LOC400499: variants seen among roughly 807,000 people sequenced by gnomAD.
the LOC400499 span, chr16:11,385,036 C>A: frequency 1.6e-6 from 2 of 1,232,160 alleles, no homozygotes; most frequent in Non-Finnish European, 1.0e-6. Flanking sequence ...AACTGTCCCC[C>A]GGCAGGGAGG....
At chr16:11,504,555 C>G in the LOC400499 span, among the ~76,000 whole-genome samples, 1 of 140,602 alleles carries the variant, frequency 7.1e-6, no homozygotes. Context: ...GACTCCGTCC[C>G]CCCCCCCAAA....
chr16:11,391,972 C>A, the LOC400499 span: 1 of 473,780 alleles, frequency 2.1e-6, no homozygotes, highest in Non-Finnish European at 3.4e-6. Flanking sequence ...GGGACCTCTC[C>A]AACCTGAGCC....
chr16:11,515,899 C>T, the LOC400499 span: 2 of 235,344 alleles, frequency 8.5e-6, no homozygotes. Context: ...CAGCCTAGCC[C>T]AGCCCAGCCC....
the LOC400499 span, among the ~76,000 whole-genome samples, chr16:11,419,230 T>C: frequency 1.3e-5 from 2 of 151,644 alleles, no homozygotes; most frequent in Admixed American, 6.6e-5. Flanking sequence ...CAAAACAGCA[T>C]GGTACTGGTA....
the LOC400499 span, chr16:11,414,553 C>A: frequency 2.3e-4 from 91 of 399,320 alleles, no homozygotes; most frequent in African/African-American, 1.8e-3. Context: ...AGCTTCACCT[C>A]CCTTCCCAGC....
chr16:11,381,728 A>G, the LOC400499 span, among the ~76,000 whole-genome samples: 1 of 152,176 alleles, frequency 6.6e-6, no homozygotes, highest in Non-Finnish European at 1.5e-5. Flanking sequence ...CACTAACCTC[A>G]TGCTTATTTT....
At chr16:11,379,375 C>T in the LOC400499 span, among the ~76,000 whole-genome samples, 2 of 152,204 alleles carry the variant, frequency 1.3e-5, no homozygotes, top group Admixed American at 6.5e-5. Flanking sequence ...ACATTTATAA[C>T]TGTTACATCT....
the LOC400499 span, among the ~76,000 whole-genome samples, chr16:11,382,458 G>A: frequency 2.6e-5 from 4 of 152,146 alleles, no homozygotes; most frequent in African/African-American, 7.2e-5. Flanking sequence ...ACTGGATGAC[G>A]GAGCTCTCAC....
At chr16:11,411,020 G>T in the LOC400499 span, among the ~76,000 whole-genome samples, 1 of 152,246 alleles carries the variant, frequency 6.6e-6, no homozygotes, top group Admixed American at 6.5e-5. Flanking sequence ...CTCCCAAAGG[G>T]CTTGTGAGCC....
At chr16:11,381,489 TC>T in the LOC400499 span, among the ~76,000 whole-genome samples, 2 of 152,222 alleles carry the variant, frequency 1.3e-5, no homozygotes, top group Admixed American at 6.5e-5. Context: ...TAAACATTTT[TC>T]CCAATCTGTA....
the LOC400499 span, chr16:11,465,121 C>T: frequency 1.3e-5 from 2 of 152,208 alleles, no homozygotes; most frequent in Admixed American, 1.3e-4. Flanking sequence ...CCGAAGGTGC[C>T]CAGCAATCAT....
chr16:11,499,503 C>A, the LOC400499 span, among the ~76,000 whole-genome samples: 1 of 152,046 alleles, frequency 6.6e-6, no homozygotes, highest in Non-Finnish European at 1.5e-5. Context: ...CTGGGCCTGG[C>A]TCTGAGTCAG....
chr16:11,406,646 G>A, the LOC400499 span, among the ~76,000 whole-genome samples: 5 of 152,184 alleles, frequency 3.3e-5, no homozygotes, highest in African/African-American at 7.2e-5. Flanking sequence ...TGGCCGTGCT[G>A]GTCTCGAACT....
the LOC400499 span, among the ~76,000 whole-genome samples, chr16:11,498,505 T>TAAATAAATAAATAAA: frequency 2.0e-4 from 31 of 151,346 alleles, no homozygotes; most frequent in African/African-American, 6.6e-4. Context: ...GATTAAATAA[T>TAAATAAATAAATAAA]TAAATAAATA....
chr16:11,447,948 C>A, the LOC400499 span: 8 of 1,535,742 alleles, frequency 5.2e-6, 1 homozygote, highest in South Asian at 7.1e-5. Flanking sequence ...GGAGCAAGGC[C>A]CCCCGTTTCC....
chr16:11,403,978 T>C, the LOC400499 span, among the ~76,000 whole-genome samples: 4 of 152,168 alleles, frequency 2.6e-5, no homozygotes, highest in Non-Finnish European at 5.9e-5. Context: ...GCCTCATCCC[T>C]TCTCCCCATT....
chr16:11,453,946 G>T, the LOC400499 span, among the ~76,000 whole-genome samples: 2 of 152,318 alleles, frequency 1.3e-5, no homozygotes, highest in East Asian at 3.9e-4. Flanking sequence ...AACTGTAAGA[G>T]AAAATTACAC....
At chr16:11,470,139 C>T in the LOC400499 span, among the ~76,000 whole-genome samples, 1 of 152,188 alleles carries the variant, frequency 6.6e-6, no homozygotes, top group African/African-American at 2.4e-5. Context: ...TCTTGAACTC[C>T]TGACCTCAAG....
chr16:11,417,961 G>A, the LOC400499 span: 2 of 397,314 alleles, frequency 5.0e-6, no homozygotes, highest in South Asian at 1.4e-4. Flanking sequence ...TGTGATGGGA[G>A]GAACTCAGAC....
Sources: allele counts gnomAD v4.1 joint callset (sites outside exome capture counted in the v4.1 genomes callset), GRCh38; gene constraint gnomAD v4.1.1; transcripts MANE v1.5.